CPAMD8: variants seen among roughly 807,000 people sequenced by gnomAD.
CPAMD8 encodes the protein C3 and PZP-like alpha-2-macroglobulin domain-containing protein 8.
Under a neutral mutation model 224.7 loss-of-function variants are expected in CPAMD8, and 146 were observed. That is an observed-to-expected ratio of 0.65 (90% confidence interval 0.57 to 0.75). The LOEUF (loss-of-function observed/expected upper bound fraction) is 0.75, where lower values mean the gene tolerates loss of function less well. CPAMD8 is among the 30% of genes least tolerant of loss of function. CPAMD8 has a pLI of 0.00. For synonymous variants in CPAMD8, 966 were observed against 1,044.6 expected (o/e 0.92, Z 1.45); for missense variants, 2,301 against 2,537.5 (o/e 0.91, Z 2.00).
intron 11 of CPAMD8, among the ~76,000 whole-genome samples, chr19:16,994,515 CTTTTTTTTT>C (rs71180347): frequency 9.5e-6 from 1 of 105,300 alleles, no homozygotes; most frequent in Non-Finnish European, 1.8e-5. Context: ...TAACCACTCC[CTTTTTTTTT>C]TTTTTTTTTT....
At position 16,993,568 on chromosome 19, in the gene CPAMD8, C is replaced by T. The variant is rs370768920; in HGVS notation, c.1114G>A (p.Asp372Asn). 36 of 1,613,998 alleles carry T rather than the reference C, an allele frequency of 2.2e-5. No homozygotes were observed. Among genetic ancestry groups the T allele is most frequent in the South Asian group, 9.9e-5 (9 of 91,078 alleles). ...YVGKVELSYP[D>N]GSPAEGVTVQ... ...GTCACCCCCTCAGCTGGGCTGCCAT[C>T]GGGGTAGGATAGCTCCACCTAGAAA... The change falls in exon 12 of 42, where the codon GAT becomes AAT. Residue 372 changes from aspartate (D) to asparagine (N), a missense_variant. By Grantham distance (23) the Asp-to-Asn change is conservative. This residue lies in a region of CPAMD8 where 301 missense variants were observed against 406.6 expected (regional missense o/e 0.74). Coordinates refer to ENST00000443236, the MANE Select transcript of CPAMD8 (RefSeq NM_015692.5).
intron 36 of CPAMD8, among the ~76,000 whole-genome samples, chr19:16,900,907 G>A (rs1463187733): frequency 1.3e-5 from 2 of 151,974 alleles, no homozygotes; most frequent in East Asian, 3.9e-4. Flanking sequence ...AGCTACTCGG[G>A]AGGCTGAGGT....
chr19:16,988,216 T>C (rs1002360474), intron 13 of CPAMD8, among the ~76,000 whole-genome samples: 4 of 152,132 alleles, frequency 2.6e-5, no homozygotes, highest in Non-Finnish European at 4.4e-5. Context: ...TCTGGCCCCA[T>C]AGCAGCAGCT....
In CPAMD8 at chr19:16,899,688, C is replaced by T; in HGVS notation, c.4774-139G>A. ...TGGGGTCTGGGTGCTGGTCAGTGCT[C>T]CCCAGGCCCTGCCAGCCTCTCAGCA... is the stretch of plus-strand genomic sequence containing the variant. On this transcript the variant is annotated intron_variant, in intron 36 of 41. Transcript: ENST00000443236. The surrounding 1 kb of genome is among the most constrained non-coding windows in gnomAD (Gnocchi z 5.4). The T allele has an allele frequency of 1.6e-6, 1 of 624,142 alleles. No homozygotes were observed. 38.7% of individuals were successfully genotyped at this position (624,142 alleles called of 1,614,324 possible).
rs2056297432 is a variant in CPAMD8, at chr19:17,001,047, C to T, written c.759-525G>A. 3.3e-5 allele frequency among the ~76,000 whole-genome samples: 5 copies of T among 152,042 alleles called. No homozygotes were observed. The South Asian group carries it at 1.0e-3, about 32-fold the overall frequency. The stretch of plus-strand genomic sequence containing the variant: ...GCAAAATGAGAGAGTGCAGGCTGGG[C>T]ATGGTGGCTTATGCCTGTAATCCCA... On this transcript the variant is annotated intron_variant, in intron 9 of 41. Transcript: ENST00000443236.
rs2052877780 is a variant in CPAMD8, at chr19:16,914,746, G to T, written c.3697C>A (p.Leu1233Met). 6.2e-7 allele frequency: 1 copy of T among 1,614,096 alleles called. No homozygotes were observed. The highest frequency in any genetic ancestry group is 8.5e-7 in the Non-Finnish European group (1 of 1,180,006). Reference sequence around the variant, plus strand: ...ATGATCCAGCTCTTGGCGGCAGCCAGCTCCCGGGGGTCCACGAAGATAAAG... The same window carrying T: ...ATGATCCAGCTCTTGGCGGCAGCCATCTCCCGGGGGTCCACGAAGATAAAG... ...RSFIFVDPRE[L>M]AAAKSWIIQQ... is the part of the protein sequence containing the mutation. The change falls in exon 28 of 42, where the codon CTG becomes ATG. Residue 1233 changes from leucine to methionine, a missense_variant. By Grantham distance (15) the Leu-to-Met change is conservative. This residue lies in a region of CPAMD8 where 1,709 missense variants were observed against 1,753.2 expected (regional missense o/e 0.97). Transcript: ENST00000443236.
chr19:16,934,675 A>C (rs1339712937), intron 23 of CPAMD8, among the ~76,000 whole-genome samples: 1 of 152,202 alleles, frequency 6.6e-6, no homozygotes, highest in Non-Finnish European at 1.5e-5. Context: ...TATGAAAGCA[A>C]ATACAACAAA....
rs1203013807 is a variant in CPAMD8, at chr19:17,021,397, C to T, written c.244+633G>A. Among the ~76,000 whole-genome samples the T allele has an allele frequency of 2.6e-5, 4 of 152,202 alleles. No individual in the cohort carries two copies. The South Asian group carries it at 8.3e-4, about 31-fold the overall frequency. On this transcript the variant is annotated intron_variant, in intron 2 of 41. Transcript: ENST00000443236. ...ATTTCCACCTTCTCTGGCCACACCT[C>T]CCTAAGAGACAAGTGCTGCTTCACT...
At chr19:16,925,927 AT>A (rs1204826373) in intron 25 of CPAMD8, among the ~76,000 whole-genome samples, 1 of 151,328 alleles carries the variant, frequency 6.6e-6, no homozygotes, top group African/African-American at 2.4e-5. Flanking sequence ...CTAATTTTTT[AT>A]TTTTATTTTT....
chr19:16,924,516 C>T (rs1371506778), intron 26 of CPAMD8, among the ~76,000 whole-genome samples: 4 of 152,150 alleles, frequency 2.6e-5, no homozygotes, highest in African/African-American at 9.7e-5. Context: ...CCTAGCTGTC[C>T]ATGATCAGCC....
chr19:16,903,662 C>T, intron 33 of CPAMD8, 39 bp from the exon 34 acceptor site: 2 of 1,614,008 alleles, frequency 1.2e-6, no homozygotes, highest in Non-Finnish European at 1.7e-6. Flanking sequence ...GCTGACCCCT[C>T]CTCCAACAAC....
chr19:16,952,131 G>C lies in CPAMD8; in HGVS notation c.2346C>G (p.Ala782=), dbSNP rs753084570. The C allele has an allele frequency of 6.4e-7, 1 of 1,552,360 alleles. No individual in the cohort carries two copies. Among genetic ancestry groups the C allele is most frequent in the African/African-American group, 1.4e-5 (1 of 73,222 alleles). The change falls in exon 20 of 42, where the codon GCC becomes GCG. Residue 782 remains alanine, a synonymous_variant. Transcript: ENST00000443236. ...AGCCCTGAGAGGTGGACAGGGCCAC[G>C]GCCTCACCCACCCAGCTGGTGATGG... ...PDSITSWVGE[A]VALSTSQGLG... is the part of the protein sequence containing the mutation.
chr19:16,904,424 G>A (rs201442773), intron 31 of CPAMD8, 42 bp downstream of exon 31: 1 of 1,613,896 alleles, frequency 6.2e-7, no homozygotes, highest in Non-Finnish European at 8.5e-7. Context: ...GTGCATGGAG[G>A]TATGGCCAAG....
chr19:17,011,881 GA>G (rs2056664413), intron 3 of CPAMD8, 124 bp from the exon 4 acceptor site: 1 of 1,089,358 alleles, frequency 9.2e-7, no homozygotes, highest in Admixed American at 2.8e-5. Flanking sequence ...GCCCCAGGGG[GA>G]CACTTGGCAG....
chr19:16,934,771 G>T (rs1343976664), intron 23 of CPAMD8, among the ~76,000 whole-genome samples: 1 of 152,054 alleles, frequency 6.6e-6, no homozygotes, highest in African/African-American at 2.4e-5. Flanking sequence ...CACATGTATT[G>T]CTTTTCATTT....
rs1001388479 is a variant in CPAMD8, at chr19:16,952,025, C to A, written c.2452G>T (p.Gly818Trp). The A allele has an allele frequency of 6.3e-6, 10 of 1,585,352 alleles. No homozygotes were observed. The highest frequency in any genetic ancestry group is 1.8e-5 in the Admixed American group (1 of 55,974). ...CTGAGCGGGATCTTGACCTGCTCCC[C>A]ACGGATGATGAGAGCGGGGAGCATG... is the stretch of plus-strand genomic sequence containing the variant. ...DFMLPALIIR[G>W]EQVKIPLSVY... The change falls in exon 20 of 42, where the codon GGG (glycine) becomes TGG (tryptophan). Residue 818 changes from glycine (G) to tryptophan (W), a missense_variant. Gly to Trp is a radical substitution (Grantham distance 184, BLOSUM62 -2). Around this residue, in one of 4 missense-constraint regions of CPAMD8, gnomAD observed 1,709 missense variants for 1,753.2 expected, o/e 0.97. Coordinates refer to ENST00000443236, the MANE Select transcript of CPAMD8 (RefSeq NM_015692.5).
chr19:16,961,416 C>G (rs536111418), intron 18 of CPAMD8, among the ~76,000 whole-genome samples: 101 of 152,362 alleles, frequency 6.6e-4, no homozygotes, highest in Admixed American at 1.4e-3. Context: ...TCACTGCTAG[C>G]ACAGCAGTCT....
intron 18 of CPAMD8, among the ~76,000 whole-genome samples, chr19:16,962,932 C>T (rs959061338): frequency 2.0e-5 from 3 of 152,024 alleles, no homozygotes; most frequent in African/African-American, 4.8e-5. Flanking sequence ...ATTTCATATC[C>T]GGCCAAACTA....
Position 16,925,278 on chromosome 19 carries a change from G to A in CPAMD8, c.3465C>T (p.Asn1155=), listed in dbSNP as rs186080640. ...GEQNMIHFAP[N]VFVLKYLQKT... is the part of the protein sequence containing the mutation. ...TCTGAAGATACTTCAAGACAAAGAC[G>A]TTGGGTGCAAAGTGGATCATGTTCT... The change falls in exon 26 of 42, where the codon AAC becomes AAT. Residue 1155 remains asparagine (N), a synonymous_variant. Transcript: ENST00000443236. The A allele has an allele frequency of 3.5e-5, 57 of 1,614,226 alleles. No homozygotes were observed. The highest frequency in any genetic ancestry group is 2.9e-4 in the African/African-American group (22 of 75,060).
Sources: gnomAD v4.1 joint callset for allele counts (sites outside exome capture counted in the v4.1 genomes callset) on GRCh38, gnomAD v4.1.1 for gene constraint, gnomAD v4.1.1 regional missense constraint, Gnocchi (gnomAD v3.1) non-coding constraint, MANE v1.5 for transcripts, NCBI Gene and HGNC (gene_info 2026-07-23, HGNC 2026-07-21) for gene names.